Variants in DPP10 observed in about 807,000 individuals in gnomAD.
The protein encoded by DPP10 is inactive dipeptidyl peptidase 10.
A neutral mutation model predicts 120.9 loss-of-function variants in DPP10; 33 were observed. That is an observed-to-expected ratio of 0.27 (90% CI 0.21 to 0.37). The LOEUF (loss-of-function observed/expected upper bound fraction) is 0.37, where lower values mean the gene tolerates loss of function less well. Ranked by LOEUF, DPP10 falls within the 10% of genes least tolerant of loss-of-function variation. The pLI is 1.00. For synonymous variants in DPP10, 337 were observed against 326.1 expected, an observed-to-expected ratio of 1.03 and a Z score of -0.36; for missense variants, 816 against 942.8, an observed-to-expected ratio of 0.87 and a Z score of 1.76.
intron 1 of DPP10, among the ~76,000 whole-genome samples, chr2:114,621,033 A>G (rs576617956): frequency 3.9e-4 from 59 of 152,198 alleles, no homozygotes; most frequent in Admixed American, 7.9e-4. Context: ...AAATATGGAG[A>G]CAGATAAGAA....
chr2:115,476,870 C>G (rs1299852791), intron 3 of DPP10, among the ~76,000 whole-genome samples: 1 of 152,100 alleles, frequency 6.6e-6, no homozygotes, highest in Admixed American at 6.6e-5. Flanking sequence ...ATATAAAAAT[C>G]AATCATGTAA....
intron 1 of DPP10, among the ~76,000 whole-genome samples, chr2:114,820,789 A>T (rs929087492): frequency 6.6e-5 from 10 of 152,194 alleles, no homozygotes; most frequent in African/African-American, 2.4e-4. Context: ...CATGGGGATT[A>T]TGGGAACTAC....
intron 1 of DPP10, among the ~76,000 whole-genome samples, chr2:114,499,436 A>G (rs1259795807): frequency 6.6e-6 from 1 of 152,242 alleles, no homozygotes; most frequent in East Asian, 1.9e-4. Context: ...CTAGGCAAAC[A>G]GCTTCGCTAA....
chr2:114,835,218 A>C (rs929330649), intron 1 of DPP10: 1 of 151,540 alleles, frequency 6.6e-6, no homozygotes, highest in Non-Finnish European at 1.5e-5. Context: ...TATATATAGG[A>C]CATATCTACA....
intron 1 of DPP10, among the ~76,000 whole-genome samples, chr2:115,187,677 A>G (rs944650142): frequency 6.6e-6 from 1 of 152,106 alleles, no homozygotes; most frequent in South Asian, 2.1e-4. Context: ...GGAAGCAGGG[A>G]TGAAATATAA....
At chr2:115,157,136 A>C (rs1202686757) in intron 1 of DPP10, among the ~76,000 whole-genome samples, 1 of 152,116 alleles carries the variant, frequency 6.6e-6, no homozygotes, top group East Asian at 1.9e-4. Context: ...GTATACAGAG[A>C]AAAGCATACA....
intron 7 of DPP10, among the ~76,000 whole-genome samples, chr2:115,697,778 G>A (rs2091673245): frequency 2.0e-5 from 3 of 152,036 alleles, no homozygotes; most frequent in Non-Finnish European, 4.4e-5. Context: ...GAGGTCGGGA[G>A]ATCGAGACCA....
intron 2 of DPP10, among the ~76,000 whole-genome samples, chr2:115,334,230 G>GCTTTTTTTTTTTTTTTTTTTTTTTT (rs1553554643): frequency 1.8e-5 from 1 of 56,412 alleles, no homozygotes; most frequent in African/African-American, 4.9e-5. Context: ...AGCAGACTCT[G>GCTTTTTTTTTTTTTTTTTTTTTTTT]TTTTTTTTTT....
chr2:115,372,814 TC>T (rs1464785467), intron 3 of DPP10, among the ~76,000 whole-genome samples: 3 of 152,148 alleles, frequency 2.0e-5, no homozygotes, highest in Non-Finnish European at 4.4e-5. Context: ...GTGCAGTTAT[TC>T]CTGGCAGGTT....
At chr2:114,711,421 G>A (rs1312027294) in intron 1 of DPP10, among the ~76,000 whole-genome samples, 1 of 152,192 alleles carries the variant, frequency 6.6e-6, no homozygotes, top group Non-Finnish European at 1.5e-5. Context: ...TCAGGATCCA[G>A]CTGCCTGGGT....
intron 3 of DPP10, among the ~76,000 whole-genome samples, chr2:115,446,625 T>A (rs2072617522): frequency 6.6e-6 from 1 of 152,214 alleles, no homozygotes; most frequent in South Asian, 2.1e-4. Context: ...TTTGTCTTGC[T>A]TCTCTGGGAG....
At chr2:115,640,933 G>A (rs1048993120) in intron 5 of DPP10, among the ~76,000 whole-genome samples, 1 of 152,066 alleles carries the variant, frequency 6.6e-6, no homozygotes, top group African/African-American at 2.4e-5. Context: ...TTAGCTATCT[G>A]TTCACCAGAT....
intron 1 of DPP10, among the ~76,000 whole-genome samples, chr2:114,960,032 GA>G (rs1011403825): frequency 1.3e-5 from 2 of 151,462 alleles, no homozygotes; most frequent in South Asian, 2.1e-4. Flanking sequence ...TTTTAATTAG[GA>G]AAAAAAATTA....
chr2:114,636,880 G>A (rs918533181), intron 1 of DPP10, among the ~76,000 whole-genome samples: 1 of 151,830 alleles, frequency 6.6e-6, no homozygotes, highest in African/African-American at 2.4e-5. Context: ...GATGGTGGAG[G>A]AAGTGAGGGT....
At chr2:114,977,587 C>T (rs1167135507) in intron 1 of DPP10, among the ~76,000 whole-genome samples, 1 of 152,104 alleles carries the variant, frequency 6.6e-6, no homozygotes, top group Non-Finnish European at 1.5e-5. Flanking sequence ...GGTAGGGGTT[C>T]TGCAAGTCAG....
chr2:115,349,632 T>A (rs1207684145), intron 3 of DPP10, among the ~76,000 whole-genome samples: 1 of 152,060 alleles, frequency 6.6e-6, no homozygotes, highest in Non-Finnish European at 1.5e-5. Context: ...GAAGAGGCAG[T>A]GAAAAGTCAC....
intron 1 of DPP10, among the ~76,000 whole-genome samples, chr2:114,901,175 C>G (rs750991702): frequency 3.9e-5 from 6 of 152,024 alleles, no homozygotes; most frequent in Non-Finnish European, 7.4e-5. Flanking sequence ...AAATGGATAA[C>G]TCGTTTTGTT....
intron 1 of DPP10, among the ~76,000 whole-genome samples, chr2:114,586,924 C>G (rs1219561364): frequency 6.6e-6 from 1 of 152,202 alleles, no homozygotes; most frequent in African/African-American, 2.4e-5. Context: ...AGACTGAAGC[C>G]TTCTCCAGAA....
At chr2:115,329,135 G>C (rs1035721551) in intron 2 of DPP10, among the ~76,000 whole-genome samples, 9 of 151,998 alleles carry the variant, frequency 5.9e-5, no homozygotes, top group South Asian at 4.1e-4. Flanking sequence ...GCAGAGTTTT[G>C]TGAGAAAACA....
Sources: gnomAD v4.1 joint callset for allele counts (sites outside exome capture counted in the v4.1 genomes callset) on GRCh38, gnomAD v4.1.1 for gene constraint, MANE v1.5 for transcripts, NCBI Gene and HGNC (gene_info 2026-07-23, HGNC 2026-07-21) for gene names.